The following REDIC1 variants were observed in gnomAD, a reference collection of about 807,000 sequenced individuals.
REDIC1 encodes regulator of DNA class I crossover intermediates 1.
At chr12:39,626,376 GA>G in the REDIC1 span, 1 of 1,614,122 alleles carries the variant, frequency 6.2e-7, no homozygotes, top group Non-Finnish European at 8.5e-7. Flanking sequence ...TGTGCAGCTG[GA>G]GTTTGAGGCT....
chr12:39,846,067 T>C, the REDIC1 span, among the ~76,000 whole-genome samples: 1 of 152,170 alleles, frequency 6.6e-6, no homozygotes, highest in Non-Finnish European at 1.5e-5. Context: ...CATCTACCTG[T>C]GTAACAGAGG....
chr12:39,882,698 C>T, the REDIC1 span, among the ~76,000 whole-genome samples: 1 of 152,144 alleles, frequency 6.6e-6, no homozygotes, highest in African/African-American at 2.4e-5. Context: ...CAAATCTACC[C>T]ACATACCCGA....
chr12:39,848,276 G>C, the REDIC1 span, among the ~76,000 whole-genome samples: 1 of 152,028 alleles, frequency 6.6e-6, no homozygotes, highest in Non-Finnish European at 1.5e-5. Flanking sequence ...TACAAACTAT[G>C]CATCTGACAA....
chr12:39,831,325 T>C, the REDIC1 span, among the ~76,000 whole-genome samples: 1 of 151,944 alleles, frequency 6.6e-6, no homozygotes, highest in Non-Finnish European at 1.5e-5. Context: ...GGCCAAGAGG[T>C]AGAGCAAAGG....
At chr12:39,780,006 G>A in the REDIC1 span, among the ~76,000 whole-genome samples, 1 of 152,184 alleles carries the variant, frequency 6.6e-6, no homozygotes, top group Admixed American at 6.5e-5. Context: ...TTTCCATCAA[G>A]TGTGAGTTCT....
At chr12:39,760,327 T>G in the REDIC1 span, 4 of 1,411,050 alleles carry the variant, frequency 2.8e-6, no homozygotes, top group Non-Finnish European at 3.8e-6. Context: ...TACTTGATTT[T>G]GACTTTTTTT....
At chr12:39,681,140 C>CACCTGTAATT in the REDIC1 span, among the ~76,000 whole-genome samples, 1 of 152,122 alleles carries the variant, frequency 6.6e-6, no homozygotes, top group Non-Finnish European at 1.5e-5. Context: ...GGTGTGGTGG[C>CACCTGTAATT]ACACACCTGT....
At chr12:39,717,606 T>G in the REDIC1 span, among the ~76,000 whole-genome samples, 2 of 152,108 alleles carry the variant, frequency 1.3e-5, no homozygotes, top group East Asian at 3.9e-4. Flanking sequence ...GCAGGCACAC[T>G]TGGTGTAACT....
the REDIC1 span, among the ~76,000 whole-genome samples, chr12:39,742,430 A>G: frequency 6.6e-6 from 1 of 152,206 alleles, no homozygotes; most frequent in African/African-American, 2.4e-5. Context: ...CCTTCACATT[A>G]GTTAAGATTT....
the REDIC1 span, among the ~76,000 whole-genome samples, chr12:39,789,675 A>C: frequency 6.6e-6 from 1 of 152,168 alleles, no homozygotes; most frequent in African/African-American, 2.4e-5. Context: ...TAGCAGTAGA[A>C]GACAGAGAAC....
the REDIC1 span, chr12:39,764,617 G>A: frequency 6.3e-7 from 1 of 1,582,848 alleles, no homozygotes; most frequent in Non-Finnish European, 8.5e-7. Flanking sequence ...CCATTCCTGA[G>A]AAATAAAACA....
the REDIC1 span, among the ~76,000 whole-genome samples, chr12:39,777,882 C>T: frequency 6.6e-6 from 1 of 152,226 alleles, no homozygotes; most frequent in Admixed American, 6.5e-5. Flanking sequence ...TTCTGGTACA[C>T]AGAGGCAAGA....
chr12:39,845,738 A>G, the REDIC1 span, among the ~76,000 whole-genome samples: 3 of 152,132 alleles, frequency 2.0e-5, no homozygotes, highest in African/African-American at 4.8e-5. Flanking sequence ...TGCTCTCACA[A>G]CTAGACCCTA....
At chr12:39,827,543 T>C in the REDIC1 span, among the ~76,000 whole-genome samples, 2 of 152,152 alleles carry the variant, frequency 1.3e-5, no homozygotes, top group East Asian at 1.9e-4. Context: ...TTTGTGACGC[T>C]TGGGGATTTC....
At chr12:39,679,220 G>A in the REDIC1 span, among the ~76,000 whole-genome samples, 6 of 152,130 alleles carry the variant, frequency 3.9e-5, no homozygotes, top group African/African-American at 1.2e-4. Context: ...TCAAACTGTT[G>A]CTGTTCACCA....
the REDIC1 span, among the ~76,000 whole-genome samples, chr12:39,710,054 T>A: frequency 6.6e-6 from 1 of 151,866 alleles, no homozygotes; most frequent in Non-Finnish European, 1.5e-5. Flanking sequence ...TTGATATAGA[T>A]CTTTTTAAAT....
chr12:39,681,959 C>T, the REDIC1 span, among the ~76,000 whole-genome samples: 3 of 151,890 alleles, frequency 2.0e-5, no homozygotes, highest in African/African-American at 7.2e-5. Flanking sequence ...AATTATTTTC[C>T]ACTATATCTT....
the REDIC1 span, among the ~76,000 whole-genome samples, chr12:39,724,149 T>C: frequency 3.1e-4 from 47 of 152,154 alleles, no homozygotes; most frequent in Admixed American, 9.2e-4. Flanking sequence ...TTTTAAACAA[T>C]ATCTGATGGG....
the REDIC1 span, among the ~76,000 whole-genome samples, chr12:39,740,096 T>C: frequency 1.7e-3 from 257 of 152,296 alleles, no homozygotes; most frequent in African/African-American, 6.0e-3. Flanking sequence ...GCAACCAACA[T>C]GGGATCATTT....
Sources: gnomAD v4.1 joint callset for allele counts (sites outside exome capture counted in the v4.1 genomes callset) on GRCh38, gnomAD v4.1.1 for gene constraint, MANE v1.5 for transcripts, NCBI Gene and HGNC (gene_info 2026-07-23, HGNC 2026-07-21) for gene names.